The following MAF variants were observed in gnomAD, a reference collection of about 807,000 sequenced individuals.
The protein encoded by MAF is MAF bZIP transcription factor.
A neutral mutation model predicts 22.0 loss-of-function variants in MAF; 10 were observed. The ratio of observed to expected loss-of-function variants is 0.45; its 90% CI spans 0.28 to 0.77. The LOEUF (loss-of-function observed/expected upper bound fraction) is 0.77, where lower values mean the gene tolerates loss of function less well. Ranked by LOEUF, MAF falls within the 30% of genes least tolerant of loss-of-function variation. The probability of loss-of-function intolerance (pLI) is 0.12; values close to 1 mark genes in which losing one functional copy is unlikely to be tolerated. For missense variants in MAF, 544 were observed against 548.4 expected, an observed-to-expected ratio of 0.99 and a Z score of 0.08; for synonymous variants, 337 against 255.8, an observed-to-expected ratio of 1.32 and a Z score of -3.03.
At chr16:79,437,396 C>T in the MAF span, among the ~76,000 whole-genome samples, 1 of 152,182 alleles carries the variant, frequency 6.6e-6, no homozygotes, top group Non-Finnish European at 1.5e-5. Flanking sequence ...ACCGTGTGGC[C>T]TGTTTGAGAT....
chr16:79,503,009 G>A, the MAF span, among the ~76,000 whole-genome samples: 91 of 152,072 alleles, frequency 6.0e-4, 1 homozygote, highest in South Asian at 0.018. Context: ...TTGGGTCAAA[G>A]TATGTAAAAA....
the MAF span, among the ~76,000 whole-genome samples, chr16:79,542,843 G>C: frequency 6.6e-6 from 1 of 152,218 alleles, no homozygotes; most frequent in African/African-American, 2.4e-5. Context: ...CTTTAAGAAA[G>C]GAGTGTCAAG....
At chr16:79,534,029 A>T in the MAF span, among the ~76,000 whole-genome samples, 1 of 152,198 alleles carries the variant, frequency 6.6e-6, no homozygotes, top group African/African-American at 2.4e-5. Context: ...CTACAAGCTC[A>T]TCTTACAAGA....
At chr16:79,499,396 G>A in the MAF span, among the ~76,000 whole-genome samples, 5 of 152,200 alleles carry the variant, frequency 3.3e-5, no homozygotes, top group African/African-American at 9.6e-5. Flanking sequence ...ACCCTCCATA[G>A]GGAGAGGCAC....
the MAF span, among the ~76,000 whole-genome samples, chr16:79,392,917 C>A: frequency 6.6e-6 from 1 of 152,194 alleles, no homozygotes; most frequent in Non-Finnish European, 1.5e-5. Flanking sequence ...TACAGCTGAG[C>A]AAATGGAGAC....
At chr16:79,510,293 A>G in the MAF span, among the ~76,000 whole-genome samples, 1 of 152,192 alleles carries the variant, frequency 6.6e-6, no homozygotes, top group Non-Finnish European at 1.5e-5. Context: ...CATTGCTCTC[A>G]TTTGGAAAAT....
chr16:79,426,629 C>T, the MAF span, among the ~76,000 whole-genome samples: 9 of 152,156 alleles, frequency 5.9e-5, no homozygotes, highest in South Asian at 2.1e-4. Flanking sequence ...ACAGATTCCC[C>T]GAACCAACAT....
chr16:79,306,924 G>A, the MAF span, among the ~76,000 whole-genome samples: 3 of 152,172 alleles, frequency 2.0e-5, no homozygotes, highest in African/African-American at 7.2e-5. Flanking sequence ...GCTATTTTGT[G>A]AAAAAGCACT....
the MAF span, among the ~76,000 whole-genome samples, chr16:79,447,110 A>C: frequency 6.6e-6 from 1 of 152,284 alleles, no homozygotes; most frequent in East Asian, 1.9e-4. Context: ...AAGTGACAAC[A>C]TGGGTGTCTT....
the MAF span, among the ~76,000 whole-genome samples, chr16:79,541,738 C>A: frequency 1.3e-5 from 2 of 148,734 alleles, no homozygotes; most frequent in African/African-American, 5.0e-5. Flanking sequence ...CTCACTGCAA[C>A]CTCCACCTCC....
the MAF span, among the ~76,000 whole-genome samples, chr16:79,277,852 T>C: frequency 2.0e-5 from 3 of 152,218 alleles, no homozygotes; most frequent in Non-Finnish European, 4.4e-5. Flanking sequence ...GTCTGGTCTT[T>C]AGGAGGCATT....
At chr16:79,409,580 A>T in the MAF span, among the ~76,000 whole-genome samples, 1 of 152,204 alleles carries the variant, frequency 6.6e-6, no homozygotes, top group Admixed American at 6.5e-5. Context: ...ACCCAGGAGG[A>T]GTGATTTGAT....
chr16:79,415,421 G>A, the MAF span, among the ~76,000 whole-genome samples: 1 of 150,604 alleles, frequency 6.6e-6, no homozygotes, highest in Non-Finnish European at 1.5e-5. Flanking sequence ...AAGGAGGGAA[G>A]GAAAATTGTT....
downstream of MAF, among the ~76,000 whole-genome samples, chr16:79,591,028 G>T (rs1913161462): frequency 6.6e-6 from 1 of 152,136 alleles, no homozygotes; most frequent in South Asian, 2.1e-4. Context: ...TCAGGCCAGT[G>T]TTCCCTTTAC....
At chr16:79,483,801 G>C in the MAF span, among the ~76,000 whole-genome samples, 2 of 152,180 alleles carry the variant, frequency 1.3e-5, no homozygotes, top group African/African-American at 4.8e-5. Context: ...CCCTGAGAAA[G>C]AATAAGGTCT....
the MAF span, among the ~76,000 whole-genome samples, chr16:79,507,153 G>A: frequency 2.2e-5 from 3 of 134,820 alleles, no homozygotes; most frequent in Admixed American, 8.2e-5. Flanking sequence ...TTACTCTCTC[G>A]CCCAGGCTGG....
At chr16:79,233,044 G>A in the MAF span, among the ~76,000 whole-genome samples, 3 of 151,790 alleles carry the variant, frequency 2.0e-5, no homozygotes, top group African/African-American at 7.2e-5. Context: ...GTGTCACCGT[G>A]TTAGCCAGGA....
chr16:79,438,118 G>C, the MAF span, among the ~76,000 whole-genome samples: 3 of 152,040 alleles, frequency 2.0e-5, no homozygotes, highest in Non-Finnish European at 4.4e-5. Flanking sequence ...TGGCGTTGGG[G>C]GGGCAGGGGG....
At chr16:79,306,452 C>A in the MAF span, among the ~76,000 whole-genome samples, 1 of 152,180 alleles carries the variant, frequency 6.6e-6, no homozygotes, top group African/African-American at 2.4e-5. Context: ...CCAGGGTAAG[C>A]CCCTGACCCA....
Sources: allele counts gnomAD v4.1 joint callset (sites outside exome capture counted in the v4.1 genomes callset), GRCh38; gene constraint gnomAD v4.1.1; transcripts MANE v1.5; gene names NCBI Gene and HGNC (gene_info 2026-07-23, HGNC 2026-07-21).